Variants in DNMT1 observed in about 807,000 individuals in gnomAD.
The protein encoded by DNMT1 is DNA (cytosine-5)-methyltransferase 1.
A neutral mutation model predicts 205.3 loss-of-function variants in DNMT1; 24 were observed. That is an observed-to-expected ratio of 0.12 (90% confidence interval 0.08 to 0.16). The LOEUF (loss-of-function observed/expected upper bound fraction) is 0.16. Ranked by LOEUF, DNMT1 falls within the 10% of genes least tolerant of loss-of-function variation. The probability of loss-of-function intolerance (pLI) is 1.00; values close to 1 mark genes in which losing one functional copy is unlikely to be tolerated. For synonymous variants in DNMT1, 817 were observed against 839.8 expected (o/e 0.97, Z 0.47); for missense variants, 1,293 against 2,177.7 (o/e 0.59, Z 8.09).
intron 9 of DNMT1, 89 bp downstream of exon 9, chr19:10,173,001 C>T (rs926548160): frequency 6.7e-7 from 1 of 1,489,524 alleles, no homozygotes; most frequent in African/African-American, 1.4e-5. Flanking sequence ...TTCCACGTTC[C>T]CCACCCCCTG....
At chr19:10,173,493 CT>C (rs747516765) in intron 8 of DNMT1, among the ~76,000 whole-genome samples, 1,532 of 141,326 alleles carry the variant, frequency 0.011, 16 homozygotes, top group East Asian at 0.039. Context: ...TCTTTTTAAA[CT>C]TTTTTTTTTT....
chr19:10,156,556 G>A lies in DNMT1; in HGVS notation c.1281-47C>T, dbSNP rs370405836. The A allele has an allele frequency of 1.6e-5, 23 of 1,426,916 alleles. No individual in the cohort carries two copies. The highest frequency in any genetic ancestry group is 4.6e-5 in the South Asian group (4 of 87,386). 88.4% of individuals were successfully genotyped at this position (1,426,916 alleles called of 1,614,324 possible). On this transcript the variant is annotated intron_variant, in intron 17 of 40. Transcript: ENST00000359526. This position sits in a 1 kb window ranked among gnomAD's most constrained non-coding sequence, Gnocchi z 4.2. ...TGCTTACCAGCTAAGCCGTGAAGGC[G>A]GGTCTTCGTGCAGACTTCAGATCAG...
In DNMT1 at chr19:10,156,260, T is replaced by A; in HGVS notation, c.1399+131A>T. 1.3e-6 allele frequency: 1 copy of A among 749,364 alleles called. No homozygotes were observed. 46.4% of individuals were successfully genotyped at this position (749,364 alleles called of 1,614,324 possible). ...CAGGCTCTTGCTATGTTGTCCAGGC[T>A]CGTCTCAAACTCCCGGGCTCAAGTG... On this transcript the variant is annotated intron_variant, in intron 18 of 40. Coordinates refer to ENST00000359526, the MANE Select transcript of DNMT1 (RefSeq NM_001130823.3). This position sits in a 1 kb window ranked among gnomAD's most constrained non-coding sequence, Gnocchi z 4.2.
Position 10,133,583 on chromosome 19 carries a change from G to A in DNMT1, c.*84C>T, listed in dbSNP as rs75515773. 607 of 1,476,596 alleles carry A rather than the reference G, an allele frequency of 4.1e-4. 2 individuals carry two copies. In the African/African-American group the frequency reaches 6.9e-3, roughly 17 times the overall value. The allele number at this position is 1,476,596 out of a possible 1,614,324, so 91.5% of individuals were successfully genotyped here. ...AACACCATGTACCACACATGTGAAC[G>A]GACAGATTGACATGTTAAAAACACA... On this transcript the variant is annotated 3_prime_UTR_variant, in exon 41 of 41. Transcript: ENST00000359526. The surrounding 1 kb of genome is among the most constrained non-coding windows in gnomAD (Gnocchi z 4.1).
chr19:10,176,744 G>C (rs1411735855), intron 6 of DNMT1, among the ~76,000 whole-genome samples: 1 of 152,068 alleles, frequency 6.6e-6, no homozygotes, highest in Non-Finnish European at 1.5e-5. Context: ...TGTAATCCCA[G>C]ATACTCAGGA....
intron 28 of DNMT1, among the ~76,000 whole-genome samples, chr19:10,145,826 T>C (rs550347972): frequency 6.6e-6 from 1 of 151,986 alleles, no homozygotes; most frequent in East Asian, 1.9e-4. Context: ...AGTAAGTTCT[T>C]TTTTTTTCTT....
chr19:10,169,413 C>T (rs897969313), intron 9 of DNMT1, among the ~76,000 whole-genome samples: 1 of 148,252 alleles, frequency 6.7e-6, no homozygotes, highest in Non-Finnish European at 1.5e-5. Context: ...AAAAATTAGC[C>T]GGGCGTGTTG....
rs1440092817 is a variant in DNMT1, at chr19:10,183,088, T to C, written c.81-1011A>G. On this transcript the variant is annotated intron_variant, in intron 1 of 40. Coordinates refer to ENST00000359526, the MANE Select transcript of DNMT1 (RefSeq NM_001130823.3). Reference sequence around the variant, plus strand: ...ATGTATACATATGTGTGTGTATATATATATACACGTATATATACGTGTGTA... The same window carrying C: ...ATGTATACATATGTGTGTGTATATACATATACACGTATATATACGTGTGTA... Among the ~76,000 whole-genome samples the C allele has an allele frequency of 4.2e-4, 62 of 147,260 alleles. 1 individual carries two copies. The highest frequency in any genetic ancestry group is 4.0e-3 in the East Asian group (20 of 4,998).
intron 1 of DNMT1, among the ~76,000 whole-genome samples, chr19:10,182,380 TATAC>T (rs2039067961): frequency 6.9e-6 from 1 of 144,356 alleles, no homozygotes; most frequent in Admixed American, 7.0e-5. Context: ...TGTGTATATA[TATAC>T]ATATATATGT....
intron 39 of DNMT1, among the ~76,000 whole-genome samples, chr19:10,135,230 A>AG (rs71188884): frequency 1.4e-5 from 2 of 140,682 alleles, no homozygotes; most frequent in Admixed American, 7.2e-5. Flanking sequence ...AAAAAAAAAA[A>AG]GAGAGAGTGG....
Position 10,138,034 on chromosome 19 carries a change from C to T in DNMT1, c.4116-25G>A, listed in dbSNP as rs1376900852. 1.9e-6 allele frequency: 3 copies of T among 1,603,416 alleles called. No homozygotes were observed. The East Asian group carries it at 6.7e-5, about 36-fold the overall frequency. On this transcript the variant is annotated intron_variant, in intron 35 of 40. Transcript: ENST00000359526. This position sits in a 1 kb window ranked among gnomAD's most constrained non-coding sequence, Gnocchi z 4.1. ...CCTGCAACAGAGGAGGAGGTCAACA[C>T]CTCTGGAGATGCACGCAGCAGCTGT... is the stretch of plus-strand genomic sequence containing the variant.
In DNMT1 at chr19:10,175,116, CACACACACACACAT is replaced by C. The variant is rs764294488; in HGVS notation, c.648+410_648+423del. ...ACACACACACACACACACACACACA[CACACACACACACAT>C]ATATATAACATGTATGTATGTAAGA... On this transcript the variant is annotated intron_variant, in intron 7 of 40. Transcript: ENST00000359526. 5.5e-3 allele frequency among the ~76,000 whole-genome samples: 770 copies of C among 140,844 alleles called. 10 individuals are homozygous for C. Among genetic ancestry groups the C allele is most frequent in the African/African-American group, 0.017 (656 of 38,194 alleles). The allele number at this position is 140,844 out of a possible 152,430, so 92.4% of individuals were successfully genotyped here. A position where few individuals can be genotyped will look rare whatever the true frequency, so the allele number is the denominator to read the frequency against.
chr19:10,139,223 G>A (rs1482000973), intron 34 of DNMT1, among the ~76,000 whole-genome samples: 1 of 152,190 alleles, frequency 6.6e-6, no homozygotes, highest in Non-Finnish European at 1.5e-5. Flanking sequence ...GCAACCCTCG[G>A]CCATCTGTGG....
chr19:10,193,364 G>A (rs549117528), intron 1 of DNMT1, among the ~76,000 whole-genome samples: 300 of 152,064 alleles, frequency 2.0e-3, no homozygotes, highest in African/African-American at 6.9e-3. Flanking sequence ...AAAATAAAAA[G>A]TGTTTCTTTT....
At chr19:10,181,141 A>G (rs990278226) in intron 2 of DNMT1, among the ~76,000 whole-genome samples, 5 of 152,280 alleles carry the variant, frequency 3.3e-5, no homozygotes, top group Admixed American at 6.5e-5. Flanking sequence ...TATAAGAATA[A>G]TACTGTGCTT....
chr19:10,190,049 C>T (rs371586750), intron 1 of DNMT1, among the ~76,000 whole-genome samples: 5 of 152,280 alleles, frequency 3.3e-5, no homozygotes, highest in African/African-American at 1.2e-4. Context: ...GTCTGTACCC[C>T]TAGAATTCTA....
chr19:10,149,339 A>AAC lies in DNMT1; in HGVS notation c.2586+113_2586+114insGT, dbSNP rs1168363966. ...AAACTCAGTCTCAAAACAAAAAAAA[A>AAC]AACAAAAAAAAAACCAAATTAAAAA... On this transcript the variant is annotated intron_variant, in intron 26 of 40. Coordinates refer to ENST00000359526, the MANE Select transcript of DNMT1 (RefSeq NM_001130823.3). 2.7e-5 allele frequency: 37 copies of AAC among 1,384,142 alleles called. No individual in the cohort carries two copies. The African/African-American group carries it at 5.4e-4, about 20-fold the overall frequency. The allele number at this position is 1,384,142 out of a possible 1,614,324, so 85.7% of individuals were successfully genotyped here.
At chr19:10,167,053 T>C (rs2038710646) in intron 10 of DNMT1, among the ~76,000 whole-genome samples, 1 of 152,160 alleles carries the variant, frequency 6.6e-6, no homozygotes, top group African/African-American at 2.4e-5. Context: ...TCAGTGACCG[T>C]GGACAGCTGA....
chr19:10,158,361 G>A (rs1161152149), intron 17 of DNMT1, among the ~76,000 whole-genome samples: 1 of 152,086 alleles, frequency 6.6e-6, no homozygotes, highest in Non-Finnish European at 1.5e-5. Context: ...GGAGAGGGAG[G>A]GGAACAACCA....
Sources: allele counts gnomAD v4.1 joint callset (sites outside exome capture counted in the v4.1 genomes callset), GRCh38; gene constraint gnomAD v4.1.1; non-coding constraint Gnocchi (gnomAD v3.1); transcripts MANE v1.5; gene names NCBI Gene and HGNC (gene_info 2026-07-23, HGNC 2026-07-21).